Variants in BBS9 observed in about 807,000 individuals in gnomAD.
BBS9 encodes Bardet-Biedl syndrome 9, also known as protein PTHB1.
A neutral mutation model predicts 117.7 loss-of-function variants in BBS9; 89 were observed. That is an observed-to-expected ratio of 0.76 (90% CI 0.64 to 0.90). The LOEUF (loss-of-function observed/expected upper bound fraction) is 0.90, where lower values mean the gene tolerates loss of function less well. Among genes scored for constraint, BBS9 ranks in the 40% least tolerant of loss-of-function variants. The probability of loss-of-function intolerance (pLI) is 0.00; values close to 1 mark genes in which losing one functional copy is unlikely to be tolerated. For missense variants in BBS9, 982 were observed against 1,042.2 expected, an observed-to-expected ratio of 0.94 and a Z score of 0.80; for synonymous variants, 379 against 370.9, an observed-to-expected ratio of 1.02 and a Z score of -0.25.
At chr7:33,232,768 G>A (rs749409042) in intron 5 of BBS9, among the ~76,000 whole-genome samples, 5 of 152,056 alleles carry the variant, frequency 3.3e-5, no homozygotes, top group Non-Finnish European at 7.4e-5. Flanking sequence ...AGGTGTATGT[G>A]CTTGTATATG....
intron 21 of BBS9, among the ~76,000 whole-genome samples, chr7:33,633,504 T>G (rs566968371): frequency 1.6e-5 from 2 of 122,324 alleles, no homozygotes; most frequent in African/African-American, 6.9e-5. Flanking sequence ...TAAAGTTAAC[T>G]TTTTTCTTTT....
chr7:33,534,028 G>T lies in BBS9; in HGVS notation c.2373G>T (p.Gln791His), dbSNP rs758968522. 3.1e-6 allele frequency: 5 copies of T among 1,614,088 alleles called. No individual in the cohort carries two copies. In the Admixed American group the frequency reaches 8.3e-5, roughly 27 times the overall value. Reference protein sequence around the residue: ...KTCLSKSSKEQALNLNSQLNI... With the variant: ...KTCLSKSSKEHALNLNSQLNI... ...GCCTGTCGAAGAGTTCTAAGGAGCA[G>T]GCTTTGAACCTCAACAGCCAGCTGA... Residue 791 changes from glutamine to histidine, a missense_variant, in exon 21 of 23, where the codon CAG becomes CAT. Transcript: ENST00000242067.
At chr7:33,405,437 A>C (rs1829748649) in intron 19 of BBS9, among the ~76,000 whole-genome samples, 1 of 151,934 alleles carries the variant, frequency 6.6e-6, no homozygotes, top group Non-Finnish European at 1.5e-5. Context: ...TCCTCCTTGT[A>C]CCTCTGGTAG....
intron 11 of BBS9, among the ~76,000 whole-genome samples, chr7:33,341,992 A>G (rs1405332920): frequency 6.6e-6 from 1 of 152,100 alleles, no homozygotes; most frequent in African/African-American, 2.4e-5. Context: ...ACAGATGATC[A>G]ATTTAGGGAA....
intron 19 of BBS9, among the ~76,000 whole-genome samples, chr7:33,405,969 C>T (rs1488205282): frequency 6.6e-6 from 1 of 151,988 alleles, no homozygotes; most frequent in Admixed American, 6.6e-5. Flanking sequence ...CCTGCTTTCT[C>T]TTGTGGGCAT....
At chr7:33,302,558 G>A (rs556138890) in intron 9 of BBS9, among the ~76,000 whole-genome samples, 2 of 152,156 alleles carry the variant, frequency 1.3e-5, no homozygotes, top group African/African-American at 4.8e-5. Context: ...TTATGTTCTT[G>A]ACACCTTTGT....
At chr7:33,365,448 A>G (rs902574249) in intron 16 of BBS9, among the ~76,000 whole-genome samples, 7 of 152,184 alleles carry the variant, frequency 4.6e-5, no homozygotes, top group Non-Finnish European at 1.0e-4. Context: ...GTTGGTTAAG[A>G]TTGCTGGTAT....
At chr7:33,475,912 C>G (rs1363880092) in intron 19 of BBS9, among the ~76,000 whole-genome samples, 2 of 152,136 alleles carry the variant, frequency 1.3e-5, no homozygotes, top group African/African-American at 4.8e-5. Context: ...CAAGAATACC[C>G]ACCTGCTAAC....
rs556528900 is a variant in BBS9 at position 33,547,828 on chromosome 7, A to G, written c.2521+13652A>G. The stretch of plus-strand genomic sequence containing the variant: ...GAAAGTCAAGCTATAGTTTATAAAT[A>G]AAGAGGTGTTCAGTTATTGATAGTA... On this transcript the variant is annotated intron_variant, in intron 21 of 22. Transcript: ENST00000242067. 3.2e-4 allele frequency among the ~76,000 whole-genome samples: 49 copies of G among 152,326 alleles called. No individual in the cohort carries two copies. In the South Asian group the frequency reaches 8.9e-3, roughly 28 times the overall value.
intron 19 of BBS9, among the ~76,000 whole-genome samples, chr7:33,491,870 T>C (rs748322015): frequency 6.6e-6 from 1 of 152,048 alleles, no homozygotes; most frequent in Non-Finnish European, 1.5e-5. Context: ...TGTCTTCAGG[T>C]ATATGACATT....
In BBS9 at chr7:33,402,982, G is replaced by A. The variant is rs77405710; in HGVS notation, c.2115+14838G>A. 0.02 allele frequency among the ~76,000 whole-genome samples: 3,008 copies of A among 151,978 alleles called. 205 individuals carry two copies. The East Asian group carries it at 0.26, about 13-fold the overall frequency. On this transcript the variant is annotated intron_variant, in intron 19 of 22. Transcript: ENST00000242067. ...TCTGTTTGTGTGAGTTAAGTATAATGGCTTCCAGCTACATCCATGTTGCTG... is the reference window on the plus strand; with the variant it reads ...TCTGTTTGTGTGAGTTAAGTATAATAGCTTCCAGCTACATCCATGTTGCTG...
At chr7:33,251,479 A>G (rs1375613640) in intron 5 of BBS9, among the ~76,000 whole-genome samples, 2 of 152,170 alleles carry the variant, frequency 1.3e-5, no homozygotes, top group Admixed American at 6.5e-5. Context: ...AGGGGAATGG[A>G]TAACTAGGGG....
At chr7:33,182,041 C>T (rs548055043) in intron 5 of BBS9, among the ~76,000 whole-genome samples, 32 of 152,244 alleles carry the variant, frequency 2.1e-4, no homozygotes, top group African/African-American at 6.0e-4. Context: ...GAGCCGAGAT[C>T]GCACCACTGC....
chr7:33,401,371 AAG>A (rs1828889281), intron 19 of BBS9, among the ~76,000 whole-genome samples: 1 of 152,190 alleles, frequency 6.6e-6, no homozygotes, highest in African/African-American at 2.4e-5. Flanking sequence ...AGAATATTTG[AAG>A]AGATTTATTC....
intron 9 of BBS9, among the ~76,000 whole-genome samples, chr7:33,322,515 A>G (rs1036868304): frequency 3.3e-5 from 5 of 151,796 alleles, no homozygotes; most frequent in African/African-American, 1.2e-4. Flanking sequence ...AGGTTTACCA[A>G]TTTATTGGCA....
chr7:33,593,753 AC>A (rs1862299843), intron 21 of BBS9, among the ~76,000 whole-genome samples: 1 of 152,106 alleles, frequency 6.6e-6, no homozygotes, highest in South Asian at 2.1e-4. Flanking sequence ...GCTCTTGCCA[AC>A]AATTAATTGG....
At chr7:33,338,299 CT>C (rs1815799320) in intron 10 of BBS9, among the ~76,000 whole-genome samples, 1 of 152,004 alleles carries the variant, frequency 6.6e-6, no homozygotes, top group Non-Finnish European at 1.5e-5. Flanking sequence ...AACTTGTACC[CT>C]TATAAAACCA....
intron 9 of BBS9, among the ~76,000 whole-genome samples, chr7:33,286,073 T>C (rs1802828670): frequency 6.6e-6 from 1 of 152,086 alleles, no homozygotes. Context: ...GATAAGTAGT[T>C]GCAGTTAGAA....
At chr7:33,483,370 A>G (rs1842726062) in intron 19 of BBS9, among the ~76,000 whole-genome samples, 1 of 152,110 alleles carries the variant, frequency 6.6e-6, no homozygotes, top group Non-Finnish European at 1.5e-5. Context: ...TGCTTTTTTC[A>G]CGTGGCTCTG....
Sources: allele counts gnomAD v4.1 joint callset (sites outside exome capture counted in the v4.1 genomes callset), GRCh38; gene constraint gnomAD v4.1.1; transcripts MANE v1.5; gene names NCBI Gene and HGNC (gene_info 2026-07-23, HGNC 2026-07-21).